The following MSR1 variants were observed in gnomAD, a reference collection of about 807,000 sequenced individuals.
MSR1 encodes the protein macrophage scavenger receptor types I and II.
Under a neutral mutation model 47.2 loss-of-function variants are expected in MSR1, and 53 were observed. The observed-to-expected ratio is 1.12, with a 90% CI of 0.90 to 1.41. The LOEUF (loss-of-function observed/expected upper bound fraction) is 1.41. MSR1 is among the 40% of genes most tolerant of loss of function. The pLI is 0.00. For missense variants in MSR1, 786 were observed against 546.9 expected, an observed-to-expected ratio of 1.44 and a Z score of -4.36; for synonymous variants, 239 against 185.6, an observed-to-expected ratio of 1.29 and a Z score of -2.34.
chr8:16,171,407 C>A (rs1721986679), intron 3 of MSR1, among the ~76,000 whole-genome samples: 1 of 151,836 alleles, frequency 6.6e-6, no homozygotes, highest in South Asian at 2.1e-4. Flanking sequence ...CAAAATATGA[C>A]AATATTTTGA....
At chr8:16,145,201 T>C (rs1015264182) in intron 7 of MSR1, among the ~76,000 whole-genome samples, 1 of 152,108 alleles carries the variant, frequency 6.6e-6, no homozygotes, top group Non-Finnish European at 1.5e-5. Context: ...TATCATTAAA[T>C]TCATTTCTTA....
intron 8 of MSR1, among the ~76,000 whole-genome samples, chr8:16,130,276 G>T (rs183994055): frequency 6.6e-6 from 1 of 152,102 alleles, no homozygotes; most frequent in Non-Finnish European, 1.5e-5. Flanking sequence ...TTGAAAATTT[G>T]TGGTAATTCT....
chr8:16,190,723 C>CTTTTTTTTTTTTTTTTTTTTTTTTTTTTT (rs772816603), intron 1 of MSR1, among the ~76,000 whole-genome samples: 2 of 145,304 alleles, frequency 1.4e-5, no homozygotes, highest in African/African-American at 5.4e-5. Flanking sequence ...TTTTTTCTTT[C>CTTTTTTTTTTTTTTTTTTTTTTTTTTTTT]TTTCTTTTTG....
intron 1 of MSR1, among the ~76,000 whole-genome samples, chr8:16,184,801 G>A (rs1049254524): frequency 6.6e-6 from 1 of 151,414 alleles, no homozygotes; most frequent in Non-Finnish European, 1.5e-5. Context: ...TCTAACCTTT[G>A]ATTTATTTTT....
At chr8:16,131,223 T>G (rs1478813210) in intron 8 of MSR1, among the ~76,000 whole-genome samples, 1 of 152,172 alleles carries the variant, frequency 6.6e-6, no homozygotes, top group African/African-American at 2.4e-5. Flanking sequence ...TGGTTTGCAT[T>G]TCTCTAATGA....
At chr8:16,131,441 GTTTTTT>G (rs56321577) in intron 8 of MSR1, among the ~76,000 whole-genome samples, 6 of 54,686 alleles carry the variant, frequency 1.1e-4, no homozygotes, top group South Asian at 1.5e-3. Flanking sequence ...TCTGTTGATA[GTTTTTT>G]TTTTTTTTTT....
chr8:16,169,352 T>C (rs985579643), intron 3 of MSR1, among the ~76,000 whole-genome samples: 11 of 152,278 alleles, frequency 7.2e-5, no homozygotes, highest in South Asian at 4.1e-4. Flanking sequence ...ATAATATGGA[T>C]AAATTGTTGG....
intron 8 of MSR1, among the ~76,000 whole-genome samples, chr8:16,138,317 A>G (rs7840885): frequency 0.81 from 123,224 of 152,118 alleles, 51,692 homozygotes; most frequent in Non-Finnish European, 0.92. Flanking sequence ...CGTGTGACTG[A>G]AACATCACTC....
At position 16,118,657 on chromosome 8, in the gene MSR1, G is replaced by A. The variant is rs1034722115; in HGVS notation, c.1222+1761C>T. Among the ~76,000 whole-genome samples the A allele has an allele frequency of 3.3e-5, 5 of 152,064 alleles. No individual in the cohort carries two copies. In the East Asian group the frequency reaches 9.6e-4, roughly 29 times the overall value. On this transcript the variant is annotated intron_variant, in intron 9 of 9. Transcript: ENST00000262101. Reference sequence around the variant, plus strand: ...TTACACCCCGCACTCCAGCCTGGGTGACAGAGGGAGATCTGTCTCCAAAAC... The same window carrying A: ...TTACACCCCGCACTCCAGCCTGGGTAACAGAGGGAGATCTGTCTCCAAAAC...
intron 8 of MSR1, chr8:16,139,764 AAAAAAAAAAAATATATATAT>A (rs1800489732): frequency 6.1e-6 from 1 of 163,708 alleles, no homozygotes; most frequent in African/African-American, 7.6e-5. Context: ...AAAAAAAAAA[AAAAAAAAAAAATATATATAT>A]ATATATATAT....
At chr8:16,186,643 T>C (rs989174685) in intron 1 of MSR1, among the ~76,000 whole-genome samples, 39 of 151,898 alleles carry the variant, frequency 2.6e-4, no homozygotes, top group Non-Finnish European at 3.8e-4. Context: ...ATTTCTTTTT[T>C]TTTTTTTTGA....
intron 8 of MSR1, among the ~76,000 whole-genome samples, chr8:16,123,037 G>A (rs1253980879): frequency 6.6e-6 from 1 of 151,668 alleles, no homozygotes; most frequent in African/African-American, 2.4e-5. Context: ...AGTACAGACG[G>A]GGTTTCACCG....
chr8:16,109,870 A>G lies in MSR1; in HGVS notation c.*215T>C. On this transcript the variant is annotated 3_prime_UTR_variant, in exon 10 of 10. Transcript: ENST00000262101. ...AGCATATAAGTCATTATATTAGAAA[A>G]TTCCATTTAAAAACCTATAGAAGTT... 1.7e-6 allele frequency: 1 copy of G among 599,798 alleles called. No homozygotes were observed. Among genetic ancestry groups the G allele is most frequent in the Non-Finnish European group, 2.8e-6 (1 of 351,132 alleles). 37.2% of individuals were successfully genotyped at this position (599,798 alleles called of 1,614,324 possible). A position where few individuals can be genotyped will look rare whatever the true frequency, so the allele number is the denominator to read the frequency against.
At chr8:16,150,184 T>G in intron 7 of MSR1, 47 bp downstream of exon 7, 1 of 539,562 alleles carries the variant, frequency 1.9e-6, no homozygotes, top group Non-Finnish European at 2.9e-6. Context: ...AATTATCTGG[T>G]GTTTCTTCTA....
chr8:16,180,106 G>GTC lies in MSR1; in HGVS notation c.-4-2116_-4-2115dup, dbSNP rs371817658. Reference sequence around the variant, plus strand: ...CCGGTCTCTCTCTTTCTCTCTGTCTGTCTCTCTCTCTCTCCCCTTCTCCCT... The same window carrying GTC: ...CCGGTCTCTCTCTTTCTCTCTGTCTGTCTCTCTCTCTCTCTCCCCTTCTCCCT... On this transcript the variant is annotated intron_variant, in intron 1 of 9. Transcript: ENST00000262101. Among the ~76,000 whole-genome samples the GTC allele has an allele frequency of 1.9e-3, 251 of 133,888 alleles. 2 individuals are homozygous for GTC. Among genetic ancestry groups the GTC allele is most frequent in the African/African-American group, 6.9e-3 (238 of 34,740 alleles). 87.8% of individuals were successfully genotyped at this position (133,888 alleles called of 152,430 possible). A position where few individuals can be genotyped will look rare whatever the true frequency, so the allele number is the denominator to read the frequency against.
In MSR1 at chr8:16,150,309, G is replaced by C. The variant is rs757315525; in HGVS notation, c.901C>G (p.Pro301Ala). ...CCCCGATCACCTTTAAGACCCGGAG[G>C]ACCTACATTATTAACGAAGAAAAAA... The part of the protein sequence containing the change: ...GPRGFPGPIG[P>A]PGLKGDRGAI... The change falls in exon 7 of 10, where the codon CCT (proline) becomes GCT (alanine). Residue 301 changes from proline (P) to alanine (A), a missense_variant and splice_region_variant. Pro to Ala is a conservative substitution (Grantham distance 27). Transcript: ENST00000262101. The C allele has an allele frequency of 6.4e-7, 1 of 1,555,674 alleles. No homozygotes were observed. The highest frequency in any genetic ancestry group is 1.4e-5 in the African/African-American group (1 of 73,098).
chr8:16,189,259 A>C (rs1290073911), intron 1 of MSR1, among the ~76,000 whole-genome samples: 1 of 133,676 alleles, frequency 7.5e-6, no homozygotes, highest in Non-Finnish European at 1.5e-5. Flanking sequence ...ATATAATCTT[A>C]TTTTATTTAT....
intron 9 of MSR1, 137 bp downstream of exon 9, chr8:16,120,281 G>T: frequency 1.0e-5 from 9 of 868,956 alleles, no homozygotes; most frequent in Non-Finnish European, 1.7e-5. Context: ...GCAGGCTAAG[G>T]GAGGAGAATC....
intron 8 of MSR1, chr8:16,120,834 G>C (rs986529318): frequency 1.7e-6 from 1 of 571,542 alleles, no homozygotes; most frequent in South Asian, 2.1e-5. Flanking sequence ...AATCCAATCT[G>C]TCTTACATGT....
Sources: allele counts gnomAD v4.1 joint callset (sites outside exome capture counted in the v4.1 genomes callset), GRCh38; gene constraint gnomAD v4.1.1; transcripts MANE v1.5; gene names NCBI Gene and HGNC (gene_info 2026-07-23, HGNC 2026-07-21).